The following ACSF3 variants were observed in gnomAD, a reference collection of about 807,000 sequenced individuals.
The protein encoded by ACSF3 is acyl-CoA synthetase family member 3.
In ACSF3, 78 loss-of-function variants were observed where a neutral mutation model predicts 53.2. That is an observed-to-expected ratio of 1.47 (90% CI 1.22 to 1.77). The LOEUF is 1.77. Among genes scored for constraint, ACSF3 ranks in the 40% most tolerant of loss-of-function variants. The pLI is 0.00. For synonymous variants in ACSF3, 414 were observed against 333.1 expected, an observed-to-expected ratio of 1.24 and a Z score of -2.65; for missense variants, 937 against 771.1, an observed-to-expected ratio of 1.22 and a Z score of -2.55.
At position 89,112,341 on chromosome 16, in the gene ACSF3, A is replaced by C. The variant is rs1236175218; in HGVS notation, c.977+95A>C. ...AAATCACTCCTACTAAGTTCTGGGA[A>C]GCAGTGCTTTCCATTTCCTTTCAAT... is the stretch of plus-strand genomic sequence containing the variant. On this transcript the variant is annotated intron_variant, in intron 5 of 10. Transcript: ENST00000614302. The C allele has an allele frequency of 2.0e-6, 3 of 1,513,462 alleles. No homozygotes were observed. In the African/African-American group the frequency reaches 4.1e-5, roughly 21 times the overall value. 93.8% of individuals were successfully genotyped at this position (1,513,462 alleles called of 1,614,324 possible). A position where few individuals can be genotyped will look rare whatever the true frequency, so the allele number is the denominator to read the frequency against.
In ACSF3 at chr16:89,100,996, T is replaced by C. The variant is rs7193255; in HGVS notation, c.315T>C (p.Asp105=). The C allele has an allele frequency of 0.75, 1,214,978 of 1,610,980 alleles. 464,059 individuals are homozygous for C. The highest frequency in any genetic ancestry group is 0.81 in the Admixed American group (48,529 of 59,930). The stretch of plus-strand genomic sequence containing the variant: ...GGGTCTCCTTCCTATGCGCTAACGA[T>C]GCCTCCTACGTCGTGGCCCAGTGGG... ...EERVSFLCAN[D]ASYVVAQWAS... The change falls in exon 3 of 11, where the codon GAT becomes GAC. Residue 105 remains aspartate, a synonymous_variant. Transcript: ENST00000614302.
At chr16:89,147,796 G>A (rs12931470) in intron 10 of ACSF3, 37,128 of 151,938 alleles carry the variant, frequency 0.24, 4,776 homozygotes, top group Non-Finnish European at 0.28. Flanking sequence ...CAAATCTTAC[G>A]TCCTTTTTAC....
intron 10 of ACSF3, chr16:89,152,078 C>T (rs1010856711): frequency 4.6e-5 from 7 of 152,384 alleles, no homozygotes; most frequent in Admixed American, 2.0e-4. Context: ...ACATCCTGCT[C>T]GATGGGGAGC....
intron 8 of ACSF3, chr16:89,136,719 C>G (rs968486165): frequency 4.7e-6 from 6 of 1,287,256 alleles, no homozygotes; most frequent in Non-Finnish European, 5.1e-6. Context: ...CTCCTGCCTC[C>G]CCCACCTGCC....
intron 8 of ACSF3, among the ~76,000 whole-genome samples, chr16:89,135,486 C>G (rs1182507666): frequency 6.6e-6 from 1 of 152,250 alleles, no homozygotes; most frequent in African/African-American, 2.4e-5. Flanking sequence ...TCCCAAGGTA[C>G]CCTGGGAGGC....
chr16:89,107,115 G>A (rs1248988971), intron 4 of ACSF3, among the ~76,000 whole-genome samples: 1 of 152,228 alleles, frequency 6.6e-6, no homozygotes, highest in Non-Finnish European at 1.5e-5. Flanking sequence ...TGCCACCTCA[G>A]AAGCACTTGC....
At chr16:89,096,106 G>A (rs1386245425) in intron 1 of ACSF3, among the ~76,000 whole-genome samples, 10 of 152,034 alleles carry the variant, frequency 6.6e-5, no homozygotes, top group Admixed American at 2.0e-4. Flanking sequence ...GTTCCAGTAC[G>A]CCTTCACCAA....
intron 4 of ACSF3, among the ~76,000 whole-genome samples, chr16:89,106,860 C>T (rs893182746): frequency 6.6e-6 from 1 of 152,202 alleles, no homozygotes; most frequent in African/African-American, 2.4e-5. Context: ...CCGTGGGTGT[C>T]AGTGCCTGCA....
chr16:89,100,384 G>A lies in ACSF3; in HGVS notation c.-20-278G>A, dbSNP rs183424128. ...TGTTGAATTTTATATGCTTCTCCTT[G>A]GTTTTACCTAGTTTATTTCATTGTT... is the stretch of plus-strand genomic sequence containing the variant. On this transcript the variant is annotated intron_variant, in intron 2 of 10. Coordinates refer to ENST00000614302, the MANE Select transcript of ACSF3 (RefSeq NM_001243279.3). Among the ~76,000 whole-genome samples, 337 of 152,308 alleles carry A rather than the reference G, an allele frequency of 2.2e-3. 5 individuals are homozygous for A. Among genetic ancestry groups the A allele is most frequent in the South Asian group, 8.7e-3 (42 of 4,826 alleles).
At chr16:89,143,463 G>C (rs1027547103) in intron 8 of ACSF3, among the ~76,000 whole-genome samples, 1 of 152,206 alleles carries the variant, frequency 6.6e-6, no homozygotes, top group Non-Finnish European at 1.5e-5. Flanking sequence ...GCACCTGGCA[G>C]CCTCCCTGGT....
chr16:89,094,244 C>G (rs556759978), intron 1 of ACSF3, among the ~76,000 whole-genome samples: 1 of 152,080 alleles, frequency 6.6e-6, no homozygotes. Flanking sequence ...ACGCCGGGCC[C>G]GGTGATACCG....
intron 10 of ACSF3, chr16:89,149,835 A>C (rs1467072228): frequency 6.6e-6 from 1 of 151,652 alleles, no homozygotes; most frequent in East Asian, 1.9e-4. Context: ...GTGGGCAAAC[A>C]GGAATAGAAG....
chr16:89,135,809 C>T (rs2151529995), intron 8 of ACSF3, among the ~76,000 whole-genome samples: 1 of 152,370 alleles, frequency 6.6e-6, no homozygotes, highest in East Asian at 1.9e-4. Flanking sequence ...GAGTCTCGCT[C>T]TGTCGCCCAG....
chr16:89,153,846 G>C (rs755344987), intron 10 of ACSF3: 5 of 559,494 alleles, frequency 8.9e-6, no homozygotes, highest in Non-Finnish European at 9.7e-6. Context: ...AGGCCTGCAC[G>C]CACCATGGCT....
At chr16:89,123,056 C>A (rs916550328) in intron 7 of ACSF3, among the ~76,000 whole-genome samples, 1 of 152,208 alleles carries the variant, frequency 6.6e-6, no homozygotes, top group Non-Finnish European at 1.5e-5. Flanking sequence ...GCTTAAATCT[C>A]AGCGTACGGG....
chr16:89,103,421 C>T (rs906996194), intron 4 of ACSF3, among the ~76,000 whole-genome samples: 2 of 152,210 alleles, frequency 1.3e-5, no homozygotes, highest in Admixed American at 6.5e-5. Context: ...CTCTGGAGGC[C>T]GCCTGTGCCC....
At chr16:89,133,062 C>T in intron 7 of ACSF3, 74 bp from the exon 8 acceptor site, 1 of 1,607,078 alleles carries the variant, frequency 6.2e-7, no homozygotes, top group Non-Finnish European at 8.5e-7. Context: ...CAGGGAGCAG[C>T]CCACAGTTTC....
Position 89,155,475 on chromosome 16 carries a change from G to A in ACSF3, c.*1268G>A. 2.2e-6 allele frequency: 1 copy of A among 454,160 alleles called. No homozygotes were observed. Among genetic ancestry groups the A allele is most frequent in the South Asian group, 1.6e-5 (1 of 64,480 alleles). 28.1% of individuals were successfully genotyped at this position (454,160 alleles called of 1,614,324 possible). A position where few individuals can be genotyped will look rare whatever the true frequency, so the allele number is the denominator to read the frequency against. The stretch of plus-strand genomic sequence containing the variant: ...CACCAAGCTTGTCTGAGGCCACAGA[G>A]CAGCGTCCCAGCCCTGTTTTCCAGG... On this transcript the variant is annotated 3_prime_UTR_variant, in exon 11 of 11. Coordinates refer to ENST00000614302, the MANE Select transcript of ACSF3 (RefSeq NM_001243279.3).
At chr16:89,141,577 T>C (rs2151550166) in intron 8 of ACSF3, among the ~76,000 whole-genome samples, 1 of 152,328 alleles carries the variant, frequency 6.6e-6, no homozygotes, top group South Asian at 2.1e-4. Context: ...GCCAGGAACG[T>C]CCAGGCCAAG....
Sources: gnomAD v4.1 joint callset for allele counts (sites outside exome capture counted in the v4.1 genomes callset) on GRCh38, gnomAD v4.1.1 for gene constraint, MANE v1.5 for transcripts, NCBI Gene and HGNC (gene_info 2026-07-23, HGNC 2026-07-21) for gene names.